The following ATIC variants were observed in gnomAD, a reference collection of about 807,000 sequenced individuals.
ATIC encodes the protein bifunctional purine biosynthesis protein ATIC.
In ATIC, 64 loss-of-function variants were observed where a neutral mutation model predicts 72.5. That is an observed-to-expected ratio of 0.88 (90% CI 0.72 to 1.09). The LOEUF (loss-of-function observed/expected upper bound fraction) is 1.09. Among genes scored for constraint, ATIC ranks in the 50% least tolerant of loss-of-function variants. The pLI is 0.00. For synonymous variants in ATIC, 281 were observed against 267.1 expected (o/e 1.05, Z -0.51); for missense variants, 787 against 732.4 (o/e 1.07, Z -0.86).
intron 12 of ATIC, among the ~76,000 whole-genome samples, chr2:215,339,868 C>T (rs1217570680): frequency 2.0e-5 from 3 of 152,090 alleles, no homozygotes; most frequent in African/African-American, 7.2e-5. Flanking sequence ...GATCTCCTAA[C>T]CTCGTGATCT....
chr2:215,332,813 A>G (rs995903970), intron 8 of ATIC, among the ~76,000 whole-genome samples: 4 of 152,200 alleles, frequency 2.6e-5, no homozygotes, highest in East Asian at 1.9e-4. Context: ...TGAAAATGTA[A>G]TGGAGTAAAC....
chr2:215,332,590 A>G, intron 8 of ATIC, 83 bp downstream of exon 8: 4 of 1,528,090 alleles, frequency 2.6e-6, no homozygotes, highest in Non-Finnish European at 3.5e-6. Context: ...ACAAGTTCTA[A>G]TGTGAATATA....
At chr2:215,343,892 G>A (rs2053045287) in intron 12 of ATIC, among the ~76,000 whole-genome samples, 1 of 152,162 alleles carries the variant, frequency 6.6e-6, no homozygotes, top group African/African-American at 2.4e-5. Context: ...ATTCATGCCT[G>A]ATACTAAAGA....
At chr2:215,340,543 G>A (rs1370078361) in intron 12 of ATIC, among the ~76,000 whole-genome samples, 2 of 152,140 alleles carry the variant, frequency 1.3e-5, no homozygotes, top group Admixed American at 6.5e-5. Context: ...AAACTGTAGC[G>A]ATATTTTGAG....
rs779655523 is a variant in ATIC at position 215,326,853 on chromosome 2, C to G, written c.563C>G (p.Ala188Gly). The G allele has an allele frequency of 3.2e-5, 51 of 1,613,914 alleles. No individual in the cohort carries two copies. Among genetic ancestry groups the G allele is most frequent in the Non-Finnish European group, 4.3e-5 (51 of 1,180,026 alleles). Residue 188 changes from alanine to glycine, a missense_variant, in exon 7 of 16, where the codon GCA becomes GGA. Transcript: ENST00000236959. ...ACTCATACGGCACAATATGATGAAG[C>G]AATTTCAGATTATTTCAGGAAACAG... ...AFTHTAQYDE[A>G]ISDYFRKQYS...
At chr2:215,320,715 G>C (rs1386774284) in intron 4 of ATIC, among the ~76,000 whole-genome samples, 4 of 152,162 alleles carry the variant, frequency 2.6e-5, no homozygotes, top group Admixed American at 2.6e-4. Context: ...GAGTAGCTGA[G>C]ATTACAGGCG....
chr2:215,368,031 T>C, the ATIC span: 22 of 1,613,896 alleles, frequency 1.4e-5, no homozygotes, highest in African/African-American at 4.0e-5. Flanking sequence ...TCGTTGACTA[T>C]GAAGAAAAGG....
intron 12 of ATIC, among the ~76,000 whole-genome samples, chr2:215,343,099 C>T (rs2053036988): frequency 6.6e-6 from 1 of 151,670 alleles, no homozygotes; most frequent in Non-Finnish European, 1.5e-5. Context: ...GTATTCCCAC[C>T]AGCAATGGAT....
At position 215,338,826 on chromosome 2, in the gene ATIC, T is replaced by C. The variant is rs774272381; in HGVS notation, c.1146T>C (p.Phe382=). The C allele has an allele frequency of 6.2e-6, 10 of 1,613,762 alleles. No homozygotes were observed. The East Asian group carries it at 2.0e-4, about 32-fold the overall frequency. The change falls in exon 12 of 16, where the codon TTT becomes TTC. Residue 382 remains phenylalanine, a synonymous_variant. Coordinates refer to ENST00000236959, the MANE Select transcript of ATIC (RefSeq NM_004044.7). The part of the protein sequence containing the change: ...KPDENEVRTL[F]GLHLSQKRNN... ...ATGAAAATGAAGTTCGAACTCTCTT[T>C]GGTCTTCATTTAAGCCAGAAGAGAA...
rs531020526 is a variant in ATIC at position 215,335,126 on chromosome 2, A to G, written c.1008+122A>G. 43 of 501,156 alleles carry G rather than the reference A, an allele frequency of 8.6e-5. 2 individuals carry two copies. In the South Asian group the frequency reaches 1.8e-3, roughly 21 times the overall value. 31.0% of individuals were successfully genotyped at this position (501,156 alleles called of 1,614,324 possible). A position where few individuals can be genotyped will look rare whatever the true frequency, so the allele number is the denominator to read the frequency against. On this transcript the variant is annotated intron_variant, in intron 10 of 15. Coordinates refer to ENST00000236959, the MANE Select transcript of ATIC (RefSeq NM_004044.7). ...TAATATCTTTTAATTAGCTAAGTTT[A>G]TCATTTAATGTTCATATTTTAAATA...
At chr2:215,365,553 T>G in the ATIC span, 1 of 1,614,116 alleles carries the variant, frequency 6.2e-7, no homozygotes, top group Non-Finnish European at 8.5e-7. Flanking sequence ...CATGTGCAGC[T>G]CATCATCTGG....
intron 14 of ATIC, chr2:215,348,716 AC>A: frequency 2.5e-6 from 1 of 397,706 alleles, no homozygotes; most frequent in Non-Finnish European, 4.8e-6. Flanking sequence ...TAATCCCAGC[AC>A]TTTGGGAGGC....
rs750324286 is a variant in ATIC at position 215,326,843 on chromosome 2, T to G, written c.553T>G (p.Tyr185Asp). 3.7e-6 allele frequency: 6 copies of G among 1,614,058 alleles called. No homozygotes were observed. Among genetic ancestry groups the G allele is most frequent in the Non-Finnish European group, 5.1e-6 (6 of 1,180,020 alleles). ...ALKAFTHTAQYDEAISDYFRK... is the reference protein window; with the variant it reads ...ALKAFTHTAQDDEAISDYFRK... Reference sequence around the variant, plus strand: ...GTAGGCATTCACTCATACGGCACAATATGATGAAGCAATTTCAGATTATTT... The same window carrying G: ...GTAGGCATTCACTCATACGGCACAAGATGATGAAGCAATTTCAGATTATTT... The change falls in exon 7 of 16, where the codon TAT becomes GAT. Residue 185 changes from tyrosine (Y) to aspartate (D), a missense_variant. Transcript: ENST00000236959.
At chr2:215,322,193 A>G (rs536908603) in intron 4 of ATIC, among the ~76,000 whole-genome samples, 13 of 151,396 alleles carry the variant, frequency 8.6e-5, no homozygotes, top group African/African-American at 3.1e-4. Context: ...TTGAGCCACC[A>G]TGCCCGGCCC....
At chr2:215,340,520 A>G (rs540931770) in intron 12 of ATIC, among the ~76,000 whole-genome samples, 15 of 152,130 alleles carry the variant, frequency 9.9e-5, no homozygotes, top group Non-Finnish European at 1.9e-4. Flanking sequence ...AGTGCTAGGC[A>G]TTGGGTATGA....
intron 13 of ATIC, among the ~76,000 whole-genome samples, 182 bp from the exon 14 acceptor site, chr2:215,346,577 T>A (rs1345937539): frequency 6.6e-6 from 1 of 152,164 alleles, no homozygotes. Flanking sequence ...ATAGTAGTTA[T>A]AAACAAACCT....
chr2:215,320,785 T>C (rs527900214), intron 4 of ATIC, among the ~76,000 whole-genome samples: 2 of 152,248 alleles, frequency 1.3e-5, no homozygotes, highest in South Asian at 4.2e-4. Context: ...TTCACCATGT[T>C]GGTCAGGCTG....
rs934109007 is a variant in ATIC, at chr2:215,332,494, T to C, written c.801T>C (p.His267=). The C allele has an allele frequency of 1.9e-6, 3 of 1,614,018 alleles. No homozygotes were observed. In the African/African-American group the frequency reaches 4.0e-5, roughly 22 times the overall value. ...LGIPAAASFK[H]VSPAGAAVGI... ...TTCCAGCCGCTGCCTCTTTCAAACA[T>C]GTCAGCCCAGCAGGTAAAGCTCTGT... Residue 267 remains histidine (H), a synonymous_variant, in exon 8 of 16, where the codon CAT becomes CAC. Transcript: ENST00000236959.
At chr2:215,356,768 G>A in the ATIC span, among the ~76,000 whole-genome samples, 4 of 152,176 alleles carry the variant, frequency 2.6e-5, no homozygotes, top group Non-Finnish European at 5.9e-5. Context: ...ATTGCAGCAT[G>A]TACATTCCTT....
Sources: gnomAD v4.1 joint callset for allele counts (sites outside exome capture counted in the v4.1 genomes callset) on GRCh38, gnomAD v4.1.1 for gene constraint, MANE v1.5 for transcripts, NCBI Gene and HGNC (gene_info 2026-07-23, HGNC 2026-07-21) for gene names.